DST: variants seen among roughly 807,000 people sequenced by gnomAD.
The protein encoded by DST is dystonin.
DST carries 253 observed loss-of-function variants against 875.2 expected under a neutral mutation model. That is an observed-to-expected ratio of 0.29 (90% confidence interval 0.26 to 0.32). DST has a LOEUF of 0.32. DST is among the 10% of genes least tolerant of loss of function. DST has a pLI of 1.00. For missense variants in DST, 8,287 were observed against 9,111.6 expected, an observed-to-expected ratio of 0.91 and a Z score of 3.68; for synonymous variants, 3,124 against 3,197.1, an observed-to-expected ratio of 0.98 and a Z score of 0.77.
At position 56,557,098 on chromosome 6, in the gene DST, G is replaced by T. The variant is rs544154073; in HGVS notation, c.14640+221C>A. Among the ~76,000 whole-genome samples, 50 of 152,312 alleles carry T rather than the reference G, an allele frequency of 3.3e-4. 1 individual carries two copies. The highest frequency in any genetic ancestry group is 8.7e-4 in the African/African-American group (36 of 41,568). ...ATCAGGAGACTTGGCCCATTCATGG[G>T]ATTCAAAGGAGGCCTCTAAGATGCC... On this transcript the variant is annotated intron_variant, in intron 59 of 103. Transcript: ENST00000680361.
chr6:56,610,250 G>A (rs564464815), intron 39 of DST, among the ~76,000 whole-genome samples, 177 bp downstream of exon 39: 2 of 152,282 alleles, frequency 1.3e-5, no homozygotes, highest in African/African-American at 4.8e-5. Context: ...GTCAGCATGT[G>A]TAAGATTGCA....
chr6:56,534,034 C>T (rs2096947792), intron 63 of DST, among the ~76,000 whole-genome samples: 1 of 152,078 alleles, frequency 6.6e-6, no homozygotes, highest in Non-Finnish European at 1.5e-5. Context: ...ATCTGATTGA[C>T]ATATCCATCA....
chr6:56,703,962 T>C (rs1489727096), intron 6 of DST, among the ~76,000 whole-genome samples: 6 of 151,444 alleles, frequency 4.0e-5, no homozygotes, highest in Admixed American at 2.6e-4. Flanking sequence ...AGTCTTTTAA[T>C]ATGTGGTTAT....
intron 2 of DST, among the ~76,000 whole-genome samples, chr6:56,905,226 T>C (rs765924704): frequency 7.9e-5 from 12 of 152,156 alleles, no homozygotes; most frequent in Non-Finnish European, 1.5e-5. Flanking sequence ...CGTGTGTGTG[T>C]GTGTGTGTTT....
intron 4 of DST, among the ~76,000 whole-genome samples, chr6:56,770,935 G>A (rs2099657255): frequency 6.6e-6 from 1 of 151,656 alleles, no homozygotes; most frequent in African/African-American, 2.4e-5. Flanking sequence ...GGGAGGCAGA[G>A]GTTGCGTGAG....
intron 3 of DST, among the ~76,000 whole-genome samples, chr6:56,883,852 T>C (rs940838339): frequency 9.2e-5 from 14 of 152,058 alleles, no homozygotes; most frequent in Non-Finnish European, 1.9e-4. Flanking sequence ...CTCTAAAAGA[T>C]AATAATTATT....
chr6:56,515,254 C>T (rs2096566823), intron 72 of DST, among the ~76,000 whole-genome samples, 196 bp downstream of exon 72: 2 of 83,438 alleles, frequency 2.4e-5, no homozygotes, highest in Non-Finnish European at 5.9e-5. Flanking sequence ...ACATATACAA[C>T]AAGTATATCC....
At chr6:56,892,872 G>A (rs1404087329) in intron 3 of DST, among the ~76,000 whole-genome samples, 1 of 152,140 alleles carries the variant, frequency 6.6e-6, no homozygotes, top group Admixed American at 6.5e-5. Flanking sequence ...GGGCCTCAAA[G>A]AATTCATGGT....
chr6:56,953,963 G>T, intron 1 of DST, 144 bp from the exon 2 acceptor site: 1 of 433,782 alleles, frequency 2.3e-6, no homozygotes. Context: ...GGGGAGGGAG[G>T]AGGAGTCCTG....
intron 69 of DST, among the ~76,000 whole-genome samples, chr6:56,525,096 A>G (rs2096773904): frequency 6.6e-6 from 1 of 152,110 alleles, no homozygotes; most frequent in Non-Finnish European, 1.5e-5. Flanking sequence ...CTGTGCCCTT[A>G]TTACTTCCTC....
chr6:56,510,415 A>T (rs1285892961), intron 73 of DST, among the ~76,000 whole-genome samples: 1 of 152,160 alleles, frequency 6.6e-6, no homozygotes, highest in African/African-American at 2.4e-5. Context: ...GTTAAAAAAA[A>T]TTTTAACAAA....
intron 15 of DST, among the ~76,000 whole-genome samples, chr6:56,643,776 T>C (rs950417445): frequency 3.3e-5 from 5 of 152,218 alleles, no homozygotes; most frequent in Non-Finnish European, 5.9e-5. Flanking sequence ...GCCACACCAA[T>C]TGCTTCTTGG....
At chr6:56,936,821 T>C (rs1017280456) in intron 2 of DST, among the ~76,000 whole-genome samples, 4 of 151,826 alleles carry the variant, frequency 2.6e-5, no homozygotes, top group African/African-American at 9.7e-5. Flanking sequence ...ATAACTTAGA[T>C]GAAATGAACC....
At chr6:56,581,834 A>G (rs936284959) in intron 49 of DST, among the ~76,000 whole-genome samples, 1 of 152,168 alleles carries the variant, frequency 6.6e-6, no homozygotes, top group Non-Finnish European at 1.5e-5. Context: ...TCCAACTCAA[A>G]AAAGCTGAAT....
At chr6:56,463,989 G>C (rs2094461279) in intron 100 of DST, 1 of 646,916 alleles carries the variant, frequency 1.5e-6, no homozygotes, top group African/African-American at 1.8e-5. Flanking sequence ...AAAAAATAAA[G>C]TGTGCTTATT....
chr6:56,502,551 C>A (rs1254589761), intron 78 of DST, among the ~76,000 whole-genome samples: 1 of 152,000 alleles, frequency 6.6e-6, no homozygotes, highest in Non-Finnish European at 1.5e-5. Context: ...AGGCCATATG[C>A]CCTAAGTGGG....
chr6:56,857,309 C>T (rs560058625), intron 3 of DST, among the ~76,000 whole-genome samples: 46 of 152,226 alleles, frequency 3.0e-4, no homozygotes, highest in African/African-American at 5.5e-4. Context: ...TGAGCCATTG[C>T]GCACAGCCCA....
chr6:56,561,612 A>C, intron 56 of DST, 63 bp from the exon 57 acceptor site: 1 of 1,516,266 alleles, frequency 6.6e-7, no homozygotes, highest in South Asian at 1.3e-5. Flanking sequence ...GAGGTCTAGA[A>C]ATAAAAGTTT....
chr6:56,866,230 G>A (rs1333493757), intron 3 of DST, among the ~76,000 whole-genome samples: 1 of 151,916 alleles, frequency 6.6e-6, no homozygotes, highest in African/African-American at 2.4e-5. Flanking sequence ...ACACCTGACT[G>A]CAGATGATCC....
Sources: gnomAD v4.1 joint callset for allele counts (sites outside exome capture counted in the v4.1 genomes callset) on GRCh38, gnomAD v4.1.1 for gene constraint, MANE v1.5 for transcripts, NCBI Gene and HGNC (gene_info 2026-07-23, HGNC 2026-07-21) for gene names.